The following PTPRD variants were observed in gnomAD, a reference collection of about 807,000 sequenced individuals.
PTPRD encodes the protein receptor-type tyrosine-protein phosphatase delta.
A neutral mutation model predicts 214.5 loss-of-function variants in PTPRD; 34 were observed. That is an observed-to-expected ratio of 0.16 (90% CI 0.12 to 0.21). The LOEUF is 0.21. PTPRD is among the 10% of genes least tolerant of loss of function. PTPRD has a pLI of 1.00. For synonymous variants in PTPRD, 1,128 were observed against 845.7 expected, an observed-to-expected ratio of 1.33 and a Z score of -5.79; for missense variants, 2,545 against 2,398.7, an observed-to-expected ratio of 1.06 and a Z score of -1.27.
rs1054898374 is a variant in PTPRD at position 8,738,546 on chromosome 9, A to G, written c.-103-4600T>C. ...AAGCAAGGAAGTTGTCGGAACTACTAGGCTATATTAAAAAAAAAAAATCCA... is the reference window on the plus strand; with the variant it reads ...AAGCAAGGAAGTTGTCGGAACTACTGGGCTATATTAAAAAAAAAAAATCCA... On this transcript the variant is annotated intron_variant, in intron 11 of 45. Transcript: ENST00000381196. 2.6e-5 allele frequency among the ~76,000 whole-genome samples: 4 copies of G among 152,142 alleles called. No individual in the cohort carries two copies. The South Asian group carries it at 6.2e-4, about 24-fold the overall frequency.
At chr9:9,607,082 G>A (rs1370190214) in intron 7 of PTPRD, among the ~76,000 whole-genome samples, 1 of 147,788 alleles carries the variant, frequency 6.8e-6, no homozygotes, top group African/African-American at 2.5e-5. Context: ...CACAAAGCAC[G>A]TGGCCTGTAA....
chr9:9,425,001 C>G (rs1369764630), intron 8 of PTPRD, among the ~76,000 whole-genome samples: 1 of 152,126 alleles, frequency 6.6e-6, no homozygotes. Flanking sequence ...TAGATTTCAG[C>G]AGAAGTGTTA....
chr9:8,343,201 T>A (rs548588213), intron 39 of PTPRD, among the ~76,000 whole-genome samples: 3 of 152,170 alleles, frequency 2.0e-5, no homozygotes, highest in African/African-American at 7.2e-5. Flanking sequence ...ACAGTGTATA[T>A]CAAAGCTAGC....
chr9:9,980,646 A>AAAC (rs2095514019), intron 4 of PTPRD, among the ~76,000 whole-genome samples: 1 of 129,590 alleles, frequency 7.7e-6, no homozygotes, highest in African/African-American at 2.8e-5. Context: ...AAAAAAAAAA[A>AAAC]CCCTTTATGG....
intron 14 of PTPRD, among the ~76,000 whole-genome samples, chr9:8,564,749 T>A (rs891811222): frequency 6.6e-6 from 1 of 152,176 alleles, no homozygotes; most frequent in Non-Finnish European, 1.5e-5. Flanking sequence ...TACATTGATC[T>A]TGATTGGACA....
chr9:10,082,844 C>A (rs913370963), intron 3 of PTPRD, among the ~76,000 whole-genome samples: 32 of 144,570 alleles, frequency 2.2e-4, no homozygotes, highest in African/African-American at 7.3e-4. Flanking sequence ...CACACAAACA[C>A]ACACACACAC....
chr9:9,970,033 G>T (rs12338569), intron 4 of PTPRD, among the ~76,000 whole-genome samples: 1 of 152,092 alleles, frequency 6.6e-6, no homozygotes, highest in Non-Finnish European at 1.5e-5. Context: ...GGTACATGGG[G>T]ACAGTGGCAC....
rs139556255 is a variant in PTPRD, at chr9:9,396,972, A to T, written c.-203+477T>A. On this transcript the variant is annotated intron_variant, in intron 9 of 45. Coordinates refer to ENST00000381196, the MANE Select transcript of PTPRD (RefSeq NM_002839.4). ...GTTCCAAGTTATATCCACTCATCTTAGTTTCCAATGAATAATCATAGCAAT... is the reference window on the plus strand; with the variant it reads ...GTTCCAAGTTATATCCACTCATCTTTGTTTCCAATGAATAATCATAGCAAT... 6.0e-4 allele frequency among the ~76,000 whole-genome samples: 92 copies of T among 152,184 alleles called. 1 individual carries two copies. In the East Asian group the frequency reaches 0.016, roughly 27 times the overall value.
At chr9:9,220,689 A>C (rs1197473354) in intron 9 of PTPRD, among the ~76,000 whole-genome samples, 1 of 152,244 alleles carries the variant, frequency 6.6e-6, no homozygotes, top group East Asian at 1.9e-4. Context: ...CCTACAGCAC[A>C]GTCAACTACA....
chr9:9,601,390 G>C (rs1479164383), intron 7 of PTPRD, among the ~76,000 whole-genome samples: 2 of 151,936 alleles, frequency 1.3e-5, no homozygotes, highest in Non-Finnish European at 2.9e-5. Flanking sequence ...TCAGGGAACT[G>C]TTACAGGGAA....
intron 8 of PTPRD, among the ~76,000 whole-genome samples, chr9:9,457,540 CATGATGTATT>C (rs948192547): frequency 1.8e-4 from 27 of 151,904 alleles, no homozygotes; most frequent in African/African-American, 6.3e-4. Context: ...AAATTTAGGG[CATGATGTATT>C]ATACTTTATT....
intron 3 of PTPRD, among the ~76,000 whole-genome samples, chr9:10,291,264 C>T (rs1281092590): frequency 1.3e-5 from 2 of 151,902 alleles, no homozygotes; most frequent in Non-Finnish European, 2.9e-5. Context: ...CAGCTGAGGA[C>T]AAAGTCAACC....
At chr9:8,508,124 C>T (rs1287148377) in intron 21 of PTPRD, among the ~76,000 whole-genome samples, 1 of 152,148 alleles carries the variant, frequency 6.6e-6, no homozygotes, top group East Asian at 1.9e-4. Context: ...AGCTAAACTA[C>T]TACAAAAATT....
chr9:8,442,073 A>T (rs959174746), intron 34 of PTPRD, among the ~76,000 whole-genome samples: 1 of 152,212 alleles, frequency 6.6e-6, no homozygotes, highest in African/African-American at 2.4e-5. Flanking sequence ...GTGGTGGGGA[A>T]GAGGAAAAGG....
intron 11 of PTPRD, among the ~76,000 whole-genome samples, chr9:8,819,609 C>G (rs2097002320): frequency 6.6e-6 from 1 of 151,966 alleles, no homozygotes; most frequent in Admixed American, 6.6e-5. Flanking sequence ...TGCAGTGAGC[C>G]AAGATTGAGC....
intron 10 of PTPRD, among the ~76,000 whole-genome samples, chr9:9,021,205 A>G (rs1053227744): frequency 2.0e-5 from 3 of 152,180 alleles, no homozygotes; most frequent in African/African-American, 7.2e-5. Flanking sequence ...AAGTACAGTT[A>G]TGTGCTGCAT....
intron 3 of PTPRD, among the ~76,000 whole-genome samples, chr9:10,297,882 G>T (rs964715423): frequency 6.6e-6 from 1 of 151,976 alleles, no homozygotes; most frequent in Non-Finnish European, 1.5e-5. Flanking sequence ...TAGAAATAAG[G>T]CATTTCCAAG....
At chr9:9,649,473 G>T (rs1260288277) in intron 7 of PTPRD, among the ~76,000 whole-genome samples, 1 of 152,094 alleles carries the variant, frequency 6.6e-6, no homozygotes, top group Non-Finnish European at 1.5e-5. Flanking sequence ...GAAATTAACT[G>T]CATGATCTTA....
At position 9,289,226 on chromosome 9, in the gene PTPRD, A is replaced by T. The variant is rs570872213; in HGVS notation, c.-202-105863T>A. 2.6e-5 allele frequency among the ~76,000 whole-genome samples: 4 copies of T among 151,974 alleles called. No individual in the cohort carries two copies. The East Asian group carries it at 7.8e-4, about 30-fold the overall frequency. ...CTAACACCATCCTTCAAAAATTTAT[A>T]AAAAATTGTCATACAAACAGTGATA... On this transcript the variant is annotated intron_variant, in intron 9 of 45. Coordinates refer to ENST00000381196, the MANE Select transcript of PTPRD (RefSeq NM_002839.4).
Sources: gnomAD v4.1 joint callset for allele counts (sites outside exome capture counted in the v4.1 genomes callset) on GRCh38, gnomAD v4.1.1 for gene constraint, MANE v1.5 for transcripts, NCBI Gene and HGNC (gene_info 2026-07-23, HGNC 2026-07-21) for gene names.